GABRB1: variants seen among roughly 807,000 people sequenced by gnomAD.
GABRB1 encodes the protein gamma-aminobutyric acid receptor subunit beta-1.
Under a neutral mutation model 51.6 loss-of-function variants are expected in GABRB1, and 17 were observed. That is an observed-to-expected ratio of 0.33 (90% CI 0.23 to 0.49). The LOEUF (loss-of-function observed/expected upper bound fraction) is 0.49, where lower values mean the gene tolerates loss of function less well. Among genes scored for constraint, GABRB1 ranks in the 20% least tolerant of loss-of-function variants. GABRB1 has a pLI of 0.99. For missense variants in GABRB1, 410 were observed against 600.6 expected, an observed-to-expected ratio of 0.68 and a Z score of 3.32; for synonymous variants, 247 against 218.9, an observed-to-expected ratio of 1.13 and a Z score of -1.14.
intron 4 of GABRB1, among the ~76,000 whole-genome samples, chr4:47,251,742 C>G (rs116416877): frequency 0.018 from 2,776 of 152,202 alleles, 76 homozygotes; most frequent in African/African-American, 0.063. Flanking sequence ...GCTGCCTCTG[C>G]TGAGTCTTGC....
At chr4:47,036,168 G>A (rs1425170287) in intron 3 of GABRB1, among the ~76,000 whole-genome samples, 2 of 152,102 alleles carry the variant, frequency 1.3e-5, no homozygotes, top group African/African-American at 4.8e-5. Context: ...TGACAAAAAC[G>A]AAAATGAGCC....
intron 1 of GABRB1, among the ~76,000 whole-genome samples, chr4:47,019,571 CT>C (rs1257811374): frequency 9.9e-5 from 15 of 151,346 alleles, no homozygotes; most frequent in Admixed American, 2.6e-4. Context: ...CTCTCTCTCT[CT>C]CTCTCCCTCC....
chr4:47,192,232 G>A (rs1159431930), intron 4 of GABRB1, among the ~76,000 whole-genome samples: 1 of 151,938 alleles, frequency 6.6e-6, no homozygotes, highest in African/African-American at 2.4e-5. Flanking sequence ...GGGAAATGGT[G>A]TGGAAACCCA....
chr4:47,299,691 A>G (rs1303242389), intron 4 of GABRB1, among the ~76,000 whole-genome samples: 3 of 152,156 alleles, frequency 2.0e-5, no homozygotes. Context: ...GCGATTCCTC[A>G]GGAATCTAGA....
intron 4 of GABRB1, among the ~76,000 whole-genome samples, chr4:47,281,198 C>T (rs1369152363): frequency 1.3e-5 from 2 of 151,874 alleles, no homozygotes; most frequent in African/African-American, 2.4e-5. Flanking sequence ...AGCACAGTAG[C>T]GAGGAAACAA....
At chr4:47,260,542 C>T (rs1004300400) in intron 4 of GABRB1, among the ~76,000 whole-genome samples, 5 of 152,114 alleles carry the variant, frequency 3.3e-5, no homozygotes, top group Admixed American at 1.3e-4. Context: ...AATCTCTCAG[C>T]ATTTGATTGT....
At chr4:47,389,894 C>T (rs562880148) in intron 5 of GABRB1, among the ~76,000 whole-genome samples, 16 of 152,292 alleles carry the variant, frequency 1.1e-4, no homozygotes, top group South Asian at 1.0e-3. Flanking sequence ...TGGTAGACCA[C>T]TATGCTTATT....
chr4:47,201,103 G>A (rs764263790), intron 4 of GABRB1, among the ~76,000 whole-genome samples: 1 of 152,002 alleles, frequency 6.6e-6, no homozygotes, highest in African/African-American at 2.4e-5. Context: ...CCTGAACTGT[G>A]CAATATTTTA....
At chr4:47,100,740 G>C (rs1190895896) in intron 3 of GABRB1, among the ~76,000 whole-genome samples, 1 of 151,878 alleles carries the variant, frequency 6.6e-6, no homozygotes, top group Non-Finnish European at 1.5e-5. Flanking sequence ...AAAGTAGAAA[G>C]CCCCTACTCT....
Position 47,400,025 on chromosome 4 carries a change from C to A in GABRB1, c.545-3293C>A, listed in dbSNP as rs188322309. On this transcript the variant is annotated intron_variant, in intron 5 of 8. Transcript: ENST00000295454. ...TTATGGCTCCTCGTCTATATAACTC[C>A]CTTCTTTCAGGAATGCCCACTATTC... is the stretch of plus-strand genomic sequence containing the variant. Among the ~76,000 whole-genome samples, 751 of 152,162 alleles carry A rather than the reference C, an allele frequency of 4.9e-3. 7 individuals are homozygous for A. The highest frequency in any genetic ancestry group is 0.017 in the African/African-American group (687 of 41,484).
chr4:47,112,709 T>A (rs1715278062), intron 3 of GABRB1, among the ~76,000 whole-genome samples: 1 of 152,068 alleles, frequency 6.6e-6, no homozygotes, highest in Admixed American at 6.6e-5. Context: ...GAATCTTTAT[T>A]AAGTGCCTAC....
At chr4:47,017,155 G>A (rs1724776028) in intron 1 of GABRB1, among the ~76,000 whole-genome samples, 1 of 152,286 alleles carries the variant, frequency 6.6e-6, no homozygotes, top group African/African-American at 2.4e-5. Context: ...TTTACTACAT[G>A]TGCGGCCTTC....
chr4:47,414,319 G>A (rs543391566), intron 8 of GABRB1, among the ~76,000 whole-genome samples: 1 of 152,308 alleles, frequency 6.6e-6, no homozygotes, highest in South Asian at 2.1e-4. Flanking sequence ...ACATTTTAGG[G>A]AGACATGAGA....
chr4:47,252,336 A>G (rs1419664561), intron 4 of GABRB1, among the ~76,000 whole-genome samples: 4 of 151,880 alleles, frequency 2.6e-5, no homozygotes, highest in Admixed American at 2.6e-4. Context: ...TCCCTTACCC[A>G]CTTCCACAGT....
In GABRB1 at chr4:47,104,506, TTCTCTC is replaced by T. The variant is rs3050703; in HGVS notation, c.241-56723_241-56718del. ...CTCATAAATACTTTTTCCTGCTGTC[TTCTCTC>T]TCTCTCTCTCTCTCTCTCTTTTCTT... is the stretch of plus-strand genomic sequence containing the variant. On this transcript the variant is annotated intron_variant, in intron 3 of 8. Coordinates refer to ENST00000295454, the MANE Select transcript of GABRB1 (RefSeq NM_000812.4). Among the ~76,000 whole-genome samples, 706 of 148,950 alleles carry T rather than the reference TTCTCTC, an allele frequency of 4.7e-3. 25 individuals carry two copies. The highest frequency in any genetic ancestry group is 0.041 in the Admixed American group (618 of 14,894).
intron 8 of GABRB1, among the ~76,000 whole-genome samples, chr4:47,423,905 G>A (rs1418838481): frequency 1.3e-5 from 2 of 152,062 alleles, no homozygotes; most frequent in Non-Finnish European, 2.9e-5. Context: ...AAATTACTGA[G>A]ATAAATTACA....
intron 5 of GABRB1, among the ~76,000 whole-genome samples, chr4:47,377,052 A>G (rs559915409): frequency 6.7e-6 from 1 of 149,382 alleles, no homozygotes; most frequent in South Asian, 2.1e-4. Flanking sequence ...ATAAAAAAAA[A>G]GGGTAGAGAG....
chr4:47,204,592 C>T (rs1438643560), intron 4 of GABRB1, among the ~76,000 whole-genome samples: 12 of 152,092 alleles, frequency 7.9e-5, no homozygotes, highest in Non-Finnish European at 1.8e-4. Flanking sequence ...CCCCACGTGT[C>T]TTGGAGGAAC....
At chr4:47,414,924 C>G (rs543007001) in intron 8 of GABRB1, among the ~76,000 whole-genome samples, 2 of 152,302 alleles carry the variant, frequency 1.3e-5, no homozygotes, top group African/African-American at 4.8e-5. Flanking sequence ...GAAAACTCAC[C>G]CTGCCTTTGA....
Sources: gnomAD v4.1 joint callset for allele counts (sites outside exome capture counted in the v4.1 genomes callset) on GRCh38, gnomAD v4.1.1 for gene constraint, MANE v1.5 for transcripts, NCBI Gene and HGNC (gene_info 2026-07-23, HGNC 2026-07-21) for gene names.